The following MACF1 variants were observed in gnomAD, a reference collection of about 807,000 sequenced individuals.
The protein encoded by MACF1 is microtubule-actin cross-linking factor 1.
In MACF1, 193 loss-of-function variants were observed where a neutral mutation model predicts 854.8. The observed-to-expected ratio is 0.23, with a 90% CI of 0.20 to 0.25. The LOEUF is 0.25. MACF1 is among the 10% of genes least tolerant of loss of function. The probability of loss-of-function intolerance (pLI) is 1.00; values close to 1 mark genes in which losing one functional copy is unlikely to be tolerated. For missense variants in MACF1, 7,722 were observed against 8,929.1 expected (o/e 0.86, Z 5.45); for synonymous variants, 3,185 against 3,226.7 (o/e 0.99, Z 0.44).
chr1:39,222,527 C>T (rs925540159), intron 1 of MACF1, among the ~76,000 whole-genome samples: 10 of 152,180 alleles, frequency 6.6e-5, no homozygotes, highest in Non-Finnish European at 2.9e-5. Flanking sequence ...CACTTCGTAG[C>T]CTTTTGTCTA....
chr1:39,348,642 G>A (rs1380542347), intron 41 of MACF1, among the ~76,000 whole-genome samples: 1 of 152,184 alleles, frequency 6.6e-6, no homozygotes, highest in Non-Finnish European at 1.5e-5. Context: ...TTGGGCACCT[G>A]TTTGTAAGTG....
In MACF1 at chr1:39,350,927, A is replaced by G; in HGVS notation, c.11108A>G (p.Glu3703Gly). 1 of 1,614,138 alleles carries G rather than the reference A, an allele frequency of 6.2e-7. No individual in the cohort carries two copies. The highest frequency in any genetic ancestry group is 8.5e-7 in the Non-Finnish European group (1 of 1,180,006). ...ALREKLHQAKEQYEALQEETR... is the reference protein window; with the variant it reads ...ALREKLHQAKGQYEALQEETR... ...CGGGAAAAGCTTCATCAGGCTAAGGAGCAATATGAGGCGCTCCAGGAAGAG... is the reference window on the plus strand; with the variant it reads ...CGGGAAAAGCTTCATCAGGCTAAGGGGCAATATGAGGCGCTCCAGGAAGAG... Residue 3703 changes from glutamate to glycine, a missense_variant, in exon 43 of 101, where the codon GAG (glutamate) becomes GGG (glycine). Coordinates refer to ENST00000564288, the MANE Select transcript of MACF1 (RefSeq NM_001394062.1).
chr1:39,337,196 G>A lies in MACF1; in HGVS notation c.10080G>A (p.Arg3360=), dbSNP rs766635027. The stretch of plus-strand genomic sequence containing the variant: ...TGGCTCCACAGAATGTATTTACCCG[G>A]CAACTCTGTTTAGAACATGATGAAA... ...PFRATQNVFT[R]QLCLEHDEKL... Residue 3360 remains arginine, a synonymous_variant, in exon 38 of 101, where the codon CGG becomes CGA. Transcript: ENST00000564288. 6.2e-7 allele frequency: 1 copy of A among 1,612,562 alleles called. No homozygotes were observed. Among genetic ancestry groups the A allele is most frequent in the African/African-American group, 1.3e-5 (1 of 74,882 alleles).
chr1:39,463,140 A>G (rs1644586985), intron 93 of MACF1, among the ~76,000 whole-genome samples: 1 of 152,208 alleles, frequency 6.6e-6, no homozygotes, highest in Admixed American at 6.5e-5. Flanking sequence ...AAGAACATAT[A>G]CTAATTTGGA....
intron 58 of MACF1, among the ~76,000 whole-genome samples, chr1:39,405,278 C>T (rs1642654592): frequency 6.6e-6 from 1 of 152,176 alleles, no homozygotes; most frequent in Non-Finnish European, 1.5e-5. Flanking sequence ...CAGACTAATA[C>T]TGTGGAGTTT....
chr1:39,387,921 G>A lies in MACF1; in HGVS notation c.15079G>A (p.Glu5027Lys). 1.2e-6 allele frequency: 2 copies of A among 1,613,988 alleles called. No homozygotes were observed. Among genetic ancestry groups the A allele is most frequent in the Non-Finnish European group, 1.7e-6 (2 of 1,180,028 alleles). ...ESFKNIEKKV[E>K]GAKHQLEIFD... is the part of the protein sequence containing the mutation. ...CTTTAAGAATATTGAAAAGAAGGTT[G>A]AAGGAGCCAAACACCAACTTGAGAT... Residue 5027 changes from glutamate to lysine, a missense_variant, in exon 58 of 101, where the codon GAA becomes AAA. Physicochemically the swap from Glu to Lys is moderately conservative, Grantham distance 56. This residue lies in a region of MACF1 where 2,807 missense variants were observed against 3,235.8 expected (regional missense o/e 0.87). Transcript: ENST00000564288.
intron 58 of MACF1, chr1:39,412,084 G>C: frequency 6.2e-7 from 1 of 1,613,986 alleles, no homozygotes; most frequent in Non-Finnish European, 8.5e-7. Context: ...GCTGAACTCT[G>C]ATCACAGGGT....
rs79130425 is a variant in MACF1, at chr1:39,404,547, A to G, written c.15816+15889A>G. 1.7e-3 allele frequency among the ~76,000 whole-genome samples: 265 copies of G among 152,280 alleles called. 1 individual carries two copies. Among genetic ancestry groups the G allele is most frequent in the Admixed American group, 4.2e-3 (64 of 15,298 alleles). ...CACTCTGTCGCCAGGCTAGAGTGCA[A>G]TGACACAATTACAGCTCATTGTAAC... On this transcript the variant is annotated intron_variant, in intron 58 of 100. Coordinates refer to ENST00000564288, the MANE Select transcript of MACF1 (RefSeq NM_001394062.1).
chr1:39,307,904 T>TC (rs200232587), intron 23 of MACF1, among the ~76,000 whole-genome samples: 2 of 106,286 alleles, frequency 1.9e-5, no homozygotes, highest in African/African-American at 3.5e-5. Flanking sequence ...TTTCTTTCTT[T>TC]TTTTTTTTTT....
intron 79 of MACF1, among the ~76,000 whole-genome samples, chr1:39,444,014 T>C (rs1299931761): frequency 6.6e-6 from 1 of 152,052 alleles, no homozygotes; most frequent in Non-Finnish European, 1.5e-5. Context: ...ATTATTGGAG[T>C]CTTTTGAGGG....
chr1:39,468,513 C>A, intron 95 of MACF1, 102 bp from the exon 96 acceptor site: 1 of 863,292 alleles, frequency 1.2e-6, no homozygotes, highest in Non-Finnish European at 1.8e-6. Context: ...TCTTCTGTAG[C>A]TATCAAATTG....
At chr1:39,201,681 C>T (rs968236682), upstream of MACF1, among the ~76,000 whole-genome samples, 8 of 151,838 alleles carry the variant, frequency 5.3e-5, no homozygotes, top group African/African-American at 1.9e-4. Context: ...TAAGTTAAAT[C>T]GTGTTACTGT....
rs1263361372 is a variant in MACF1 at position 39,469,513 on chromosome 1, CTGTT to C, written c.21890-32_21890-29del. The C allele has an allele frequency of 4.0e-6, 6 of 1,493,762 alleles. No individual in the cohort carries two copies. The African/African-American group carries it at 5.6e-5, about 14-fold the overall frequency. 92.5% of individuals were successfully genotyped at this position (1,493,762 alleles called of 1,614,324 possible). ...CTAGTTTCTGCGTTTCCTGCCCTGTCTGTTTCTTTCTGTTTACGTATTTTTTATT... is the reference window on the plus strand; with the variant it reads ...CTAGTTTCTGCGTTTCCTGCCCTGTCTCTTTCTGTTTACGTATTTTTTATT... On this transcript the variant is annotated intron_variant, in intron 96 of 100. Coordinates refer to ENST00000564288, the MANE Select transcript of MACF1 (RefSeq NM_001394062.1).
chr1:39,207,579 T>C (rs570042878), intron 1 of MACF1, among the ~76,000 whole-genome samples: 1 of 152,140 alleles, frequency 6.6e-6, no homozygotes, highest in African/African-American at 2.4e-5. Context: ...CGTGCCTGGC[T>C]GAAGAATGTT....
At position 39,204,851 on chromosome 1, in the gene MACF1, A is replaced by T; in HGVS notation, c.-172A>T. On this transcript the variant is annotated 5_prime_UTR_variant, in exon 1 of 101. Coordinates refer to ENST00000564288, the MANE Select transcript of MACF1 (RefSeq NM_001394062.1). ...CCAGTCTACTAGCGCCTGCTGAAAA[A>T]CAGTCAGAAGTGAGATGGAGGAGAA... 1 of 597,036 alleles carries T rather than the reference A, an allele frequency of 1.7e-6. No individual in the cohort carries two copies. Among genetic ancestry groups the T allele is most frequent in the East Asian group, 2.8e-5 (1 of 35,878 alleles). The allele number at this position is 597,036 out of a possible 1,614,324, so 37.0% of individuals were successfully genotyped here.
At chr1:39,358,044 A>C in intron 45 of MACF1, 151 bp downstream of exon 45, 1 of 810,638 alleles carries the variant, frequency 1.2e-6, no homozygotes. Flanking sequence ...TTCACAAACA[A>C]TGCACAAAAT....
chr1:39,327,041 A>G (rs1293171943), intron 35 of MACF1, among the ~76,000 whole-genome samples, 177 bp from the exon 36 acceptor site: 2 of 152,208 alleles, frequency 1.3e-5, no homozygotes, highest in African/African-American at 4.8e-5. Context: ...GACATCATCA[A>G]GAACCATGAC....
At chr1:39,250,505 G>C (rs1344725331) in intron 3 of MACF1, among the ~76,000 whole-genome samples, 1 of 151,994 alleles carries the variant, frequency 6.6e-6, no homozygotes, top group Non-Finnish European at 1.5e-5. Flanking sequence ...AATCTATTGT[G>C]AATTTTTAAA....
rs71060314 is a variant in MACF1 at position 39,477,135 on chromosome 1, T to TATACACACAC, written c.21959-2662_21959-2661insTACACACACA. Among the ~76,000 whole-genome samples, 84 of 103,268 alleles carry TATACACACAC rather than the reference T, an allele frequency of 8.1e-4. 1 individual carries two copies. Among genetic ancestry groups the TATACACACAC allele is most frequent in the African/African-American group, 2.5e-3 (64 of 25,786 alleles). 67.7% of individuals were successfully genotyped at this position (103,268 alleles called of 152,430 possible). On this transcript the variant is annotated intron_variant, in intron 97 of 100. Coordinates refer to ENST00000564288, the MANE Select transcript of MACF1 (RefSeq NM_001394062.1). ...CACTTAGTGTATATATATATATATA[T>TATACACACAC]ACACACACACACACACACAGATGTG...
Sources: gnomAD v4.1 joint callset for allele counts (sites outside exome capture counted in the v4.1 genomes callset) on GRCh38, gnomAD v4.1.1 for gene constraint, gnomAD v4.1.1 regional missense constraint, MANE v1.5 for transcripts, NCBI Gene and HGNC (gene_info 2026-07-23, HGNC 2026-07-21) for gene names.